The following DISC1 variants were observed in gnomAD, a reference collection of about 807,000 sequenced individuals.
DISC1 encodes the protein DISC1 scaffold protein, also known as disrupted in schizophrenia 1 protein.
Under a neutral mutation model 84.5 loss-of-function variants are expected in DISC1, and 57 were observed. The ratio of observed to expected loss-of-function variants is 0.67; its 90% CI spans 0.55 to 0.84. The LOEUF (loss-of-function observed/expected upper bound fraction) is 0.84, where lower values mean the gene tolerates loss of function less well. Ranked by LOEUF, DISC1 falls within the 40% of genes least tolerant of loss-of-function variation. DISC1 has a pLI of 0.00. For synonymous variants in DISC1, 411 were observed against 415.2 expected, an observed-to-expected ratio of 0.99 and a Z score of 0.12; for missense variants, 1,000 against 1,057.8, an observed-to-expected ratio of 0.95 and a Z score of 0.76.
At chr1:231,963,492 C>T (rs1660671061) in intron 10 of DISC1, among the ~76,000 whole-genome samples, 2 of 152,118 alleles carry the variant, frequency 1.3e-5, no homozygotes, top group Non-Finnish European at 2.9e-5. Flanking sequence ...CTCCCCCACC[C>T]CTCTGCATGT....
At chr1:231,905,407 CT>C (rs2126037042) in intron 9 of DISC1, among the ~76,000 whole-genome samples, 2 of 152,196 alleles carry the variant, frequency 1.3e-5, no homozygotes, top group East Asian at 1.9e-4. Flanking sequence ...TTGCTTGAGC[CT>C]GAGAGTTCGA....
chr1:231,895,532 T>C (rs1450645488), intron 9 of DISC1, among the ~76,000 whole-genome samples: 1 of 152,118 alleles, frequency 6.6e-6, no homozygotes, highest in Non-Finnish European at 1.5e-5. Context: ...TACTTCCACA[T>C]ATGTTGTAAA....
At chr1:231,725,285 A>G (rs1488328078) in intron 3 of DISC1, among the ~76,000 whole-genome samples, 1 of 152,238 alleles carries the variant, frequency 6.6e-6, no homozygotes, top group Non-Finnish European at 1.5e-5. Flanking sequence ...TTGTGTTCAC[A>G]AGCCTCCTGA....
chr1:231,808,878 T>C (rs2079985770), intron 8 of DISC1, among the ~76,000 whole-genome samples: 1 of 152,096 alleles, frequency 6.6e-6, no homozygotes, highest in Non-Finnish European at 1.5e-5. Context: ...TACACCACAG[T>C]AGGAAACAAA....
chr1:231,752,907 T>G (rs899592536), intron 4 of DISC1, among the ~76,000 whole-genome samples: 9 of 152,214 alleles, frequency 5.9e-5, no homozygotes, highest in South Asian at 2.1e-4. Context: ...ATCTTAAAGC[T>G]CCAAAATAAT....
chr1:231,840,707 TTTG>T (rs1182477389), intron 9 of DISC1, among the ~76,000 whole-genome samples: 2 of 151,632 alleles, frequency 1.3e-5, no homozygotes, highest in East Asian at 3.9e-4. Flanking sequence ...TTTTTTTTTT[TTTG>T]TTGTTGTTGT....
chr1:231,737,529 T>C (rs2072667027), intron 3 of DISC1, among the ~76,000 whole-genome samples: 1 of 151,902 alleles, frequency 6.6e-6, no homozygotes, highest in Non-Finnish European at 1.5e-5. Flanking sequence ...CAGAGAAAGG[T>C]GAGTTATGTT....
intron 1 of DISC1, among the ~76,000 whole-genome samples, chr1:231,628,886 C>A (rs574695700): frequency 1.3e-5 from 2 of 152,068 alleles, no homozygotes; most frequent in Non-Finnish European, 2.9e-5. Flanking sequence ...GGATTACAGG[C>A]GCATGCCACC....
At chr1:231,693,324 G>T (rs1296332965) in intron 1 of DISC1, among the ~76,000 whole-genome samples, 1 of 152,258 alleles carries the variant, frequency 6.6e-6, no homozygotes, top group Non-Finnish European at 1.5e-5. Context: ...ATGGTCTGCA[G>T]CAACAGATCA....
intron 8 of DISC1, among the ~76,000 whole-genome samples, chr1:231,816,883 TTTCTTCCTATTC>T (rs2081047430): frequency 1.3e-5 from 2 of 152,234 alleles, no homozygotes; most frequent in South Asian, 4.1e-4. Context: ...CTTCTTCTTC[TTTCTTCCTATTC>T]TTCTTCATTC....
At chr1:231,683,189 G>A (rs1328103503) in intron 1 of DISC1, among the ~76,000 whole-genome samples, 3 of 152,144 alleles carry the variant, frequency 2.0e-5, no homozygotes, top group African/African-American at 7.2e-5. Flanking sequence ...AGAGTATTCT[G>A]CAAAGCAACA....
chr1:231,886,782 TCTTTC>T (rs2086754501), intron 9 of DISC1, among the ~76,000 whole-genome samples: 1 of 123,030 alleles, frequency 8.1e-6, no homozygotes, highest in African/African-American at 3.0e-5. Context: ...TTTCTTTCTT[TCTTTC>T]TTTCTTTCTT....
intron 3 of DISC1, among the ~76,000 whole-genome samples, chr1:231,730,819 G>T (rs941473413): frequency 6.6e-6 from 1 of 152,196 alleles, no homozygotes; most frequent in Non-Finnish European, 1.5e-5. Context: ...ATTGCTAAGT[G>T]AGTTAGTCCT....
chr1:231,740,356 A>T (rs1044056202), intron 3 of DISC1, among the ~76,000 whole-genome samples: 3 of 152,212 alleles, frequency 2.0e-5, no homozygotes, highest in African/African-American at 7.2e-5. Flanking sequence ...TTTGTCAAAT[A>T]GAATATGCAC....
intron 9 of DISC1, among the ~76,000 whole-genome samples, chr1:231,905,224 C>T (rs1307809055): frequency 6.6e-6 from 1 of 152,136 alleles, no homozygotes; most frequent in Non-Finnish European, 1.5e-5. Context: ...AAATGCAAAC[C>T]TGAGTTTGAT....
At chr1:231,883,427 G>A (rs940013196) in intron 9 of DISC1, among the ~76,000 whole-genome samples, 1 of 152,166 alleles carries the variant, frequency 6.6e-6, no homozygotes, top group Non-Finnish European at 1.5e-5. Flanking sequence ...AGTGCCAGCT[G>A]TTGCACAGGG....
chr1:231,642,363 C>G (rs2125196327), intron 1 of DISC1, among the ~76,000 whole-genome samples: 1 of 152,224 alleles, frequency 6.6e-6, no homozygotes, highest in East Asian at 1.9e-4. Context: ...CACAGTGCAG[C>G]GGCGGGCGGA....
rs1669963643 is a variant in DISC1 at position 232,031,006 on chromosome 1, C to A, written c.2425+4454C>A. Among the ~76,000 whole-genome samples the A allele has an allele frequency of 6.6e-6, 1 of 151,942 alleles. No homozygotes were observed. Among genetic ancestry groups the A allele is most frequent in the African/African-American group, 2.4e-5 (1 of 41,356 alleles). On this transcript the variant is annotated intron_variant, in intron 12 of 12. Coordinates refer to ENST00000439617, the MANE Select transcript of DISC1 (RefSeq NM_018662.3). The surrounding 1 kb of genome is among the most constrained non-coding windows in gnomAD (Gnocchi z 4.6). ...TGCACACCTGTAGTCCCAGCTACTC[C>A]AGAGGCGTGAGAATTGCTTGAACCC...
chr1:231,996,109 T>A (rs1377588820), intron 10 of DISC1, among the ~76,000 whole-genome samples: 1 of 152,256 alleles, frequency 6.6e-6, no homozygotes, highest in Non-Finnish European at 1.5e-5. Flanking sequence ...GAGCGTTTTT[T>A]CATGTGTCTT....
Sources: allele counts gnomAD v4.1 joint callset (sites outside exome capture counted in the v4.1 genomes callset), GRCh38; gene constraint gnomAD v4.1.1; non-coding constraint Gnocchi (gnomAD v3.1); transcripts MANE v1.5; gene names NCBI Gene and HGNC (gene_info 2026-07-23, HGNC 2026-07-21).